The following UQCRC2 variants were observed in gnomAD, a reference collection of about 807,000 sequenced individuals.
UQCRC2 encodes cytochrome b-c1 complex subunit 2, mitochondrial.
In UQCRC2, 49 loss-of-function variants were observed where a neutral mutation model predicts 55.6. That is an observed-to-expected ratio of 0.88 (90% CI 0.70 to 1.12). The LOEUF (loss-of-function observed/expected upper bound fraction) is 1.12, where lower values mean the gene tolerates loss of function less well. UQCRC2 is among the 50% of genes most tolerant of loss of function. UQCRC2 has a pLI of 0.00. For missense variants in UQCRC2, 506 were observed against 547.8 expected (o/e 0.92, Z 0.76); for synonymous variants, 193 against 192.0 (o/e 1.01, Z -0.04).
At chr16:21,955,474 A>C (rs904617955) in intron 1 of UQCRC2, among the ~76,000 whole-genome samples, 5 of 152,202 alleles carry the variant, frequency 3.3e-5, no homozygotes, top group Admixed American at 2.6e-4. Flanking sequence ...ACCAAATTTT[A>C]TTCACTCATC....
At chr16:21,956,178 A>C (rs562005287) in intron 1 of UQCRC2, among the ~76,000 whole-genome samples, 1 of 152,188 alleles carries the variant, frequency 6.6e-6, no homozygotes, top group African/African-American at 2.4e-5. Context: ...AACCATTTCA[A>C]TTGGAAATTA....
Position 21,983,586 on chromosome 16 carries a change from T to C in UQCRC2, c.*415T>C. On this transcript the variant is annotated 3_prime_UTR_variant, in exon 14 of 14. Transcript: ENST00000268379. ...ATTTTGGGTGTCAACAGCTAAATGG[T>C]CTGGTTTTTACCCCTGTTTTGCCTT... The C allele has an allele frequency of 4.6e-6, 1 of 219,606 alleles. No individual in the cohort carries two copies. Among genetic ancestry groups the C allele is most frequent in the South Asian group, 1.8e-4 (1 of 5,436 alleles). 13.6% of individuals were successfully genotyped at this position (219,606 alleles called of 1,614,324 possible).
rs185049840 is a variant in UQCRC2, at chr16:21,960,079, C to A, written c.332+1480C>A. On this transcript the variant is annotated intron_variant, in intron 4 of 13. Transcript: ENST00000268379. Reference sequence around the variant, plus strand: ...AGTCACCAGCTGCATTAGTCCCCAACAAGAGTCAGCTTGTCGTTTGAAGCT... The same window carrying A: ...AGTCACCAGCTGCATTAGTCCCCAAAAAGAGTCAGCTTGTCGTTTGAAGCT... Among the ~76,000 whole-genome samples, 150 of 152,306 alleles carry A rather than the reference C, an allele frequency of 9.8e-4. 1 individual carries two copies. Among genetic ancestry groups the A allele is most frequent in the Non-Finnish European group, 1.6e-3 (111 of 68,018 alleles).
chr16:21,955,542 G>T (rs953705550), intron 1 of UQCRC2, among the ~76,000 whole-genome samples: 4 of 152,176 alleles, frequency 2.6e-5, no homozygotes, highest in African/African-American at 9.7e-5. Context: ...GTATGGCATT[G>T]TATAACATTT....
chr16:21,953,551 G>C, intron 1 of UQCRC2, 95 bp downstream of exon 1: 4 of 1,490,006 alleles, frequency 2.7e-6, no homozygotes, highest in Admixed American at 2.2e-5. Flanking sequence ...TCTGGGCCTT[G>C]GGATTCGGTC....
At chr16:21,953,797 G>GC (rs1019583096) in intron 1 of UQCRC2, among the ~76,000 whole-genome samples, 2 of 152,162 alleles carry the variant, frequency 1.3e-5, no homozygotes, top group Non-Finnish European at 2.9e-5. Flanking sequence ...GGCGCACTTA[G>GC]CCCCCCACCT....
chr16:21,971,881 C>G, intron 9 of UQCRC2, 42 bp from the exon 10 acceptor site: 1 of 1,608,960 alleles, frequency 6.2e-7, no homozygotes, highest in Middle Eastern at 1.9e-4. Context: ...CAATGGTGAA[C>G]AAGCCATTTT....
At chr16:21,958,450 G>A (rs1898128389) in intron 3 of UQCRC2, 85 bp from the exon 4 acceptor site, 2 of 1,190,040 alleles carry the variant, frequency 1.7e-6, no homozygotes, top group Non-Finnish European at 2.5e-6. Flanking sequence ...TTTTAAATCT[G>A]CTCACAACAG....
At chr16:21,957,191 T>A (rs1250828066) in intron 1 of UQCRC2, 44 bp from the exon 2 acceptor site, 2 of 1,594,118 alleles carry the variant, frequency 1.3e-6, no homozygotes, top group African/African-American at 2.7e-5. Context: ...TATAAAGCAC[T>A]GTTCTTGTGA....
chr16:21,977,854 C>T, intron 12 of UQCRC2, among the ~76,000 whole-genome samples: 1 of 152,118 alleles, frequency 6.6e-6, no homozygotes, highest in Non-Finnish European at 1.5e-5. Context: ...TTATGCTGAG[C>T]ACACTACAAA....
At chr16:21,966,730 TGA>T (rs1411553621) in intron 7 of UQCRC2, among the ~76,000 whole-genome samples, 2 of 152,230 alleles carry the variant, frequency 1.3e-5, no homozygotes, top group African/African-American at 4.8e-5. Context: ...TGGACTCTAA[TGA>T]GTTTTGAAAT....
intron 1 of UQCRC2, among the ~76,000 whole-genome samples, chr16:21,953,817 C>A (rs999875004): frequency 6.6e-6 from 1 of 152,172 alleles, no homozygotes; most frequent in African/African-American, 2.4e-5. Flanking sequence ...TTCACTTTAT[C>A]CGCTGCAGCC....
intron 9 of UQCRC2, 65 bp from the exon 10 acceptor site, chr16:21,971,858 T>C: frequency 6.2e-7 from 1 of 1,601,716 alleles, no homozygotes; most frequent in South Asian, 1.1e-5. Flanking sequence ...TAGGAAATAC[T>C]GGAGAATGAA....
chr16:21,964,739 C>T (rs1013498495), intron 6 of UQCRC2, among the ~76,000 whole-genome samples: 6 of 152,246 alleles, frequency 3.9e-5, no homozygotes, highest in Non-Finnish European at 8.8e-5. Flanking sequence ...ACACTGCCGA[C>T]ATTGCACCCA....
At chr16:21,975,473 A>G (rs1389842485) in intron 11 of UQCRC2, among the ~76,000 whole-genome samples, 5 of 152,304 alleles carry the variant, frequency 3.3e-5, no homozygotes, top group African/African-American at 1.2e-4. Context: ...AATTTAGGTG[A>G]TCAGAGGGAA....
chr16:21,962,708 A>G (rs1329992455), intron 5 of UQCRC2, 53 bp from the exon 6 acceptor site: 27 of 1,611,954 alleles, frequency 1.7e-5, no homozygotes, highest in Non-Finnish European at 2.3e-5. Flanking sequence ...TAGAATCTCA[A>G]ATGTTGGCTT....
Position 21,980,610 on chromosome 16 carries a change from C to A in UQCRC2, c.1188C>A (p.Val396=), listed in dbSNP as rs778896440. ...CTTCTGAGTGTTTCCTGGAAGAAGT[C>A]GGGTCCCAGGCTCTAGTTGCTGGTT... ...VESSECFLEE[V]GSQALVAGSY... Residue 396 remains valine (V), a synonymous_variant, in exon 13 of 14, where the codon GTC becomes GTA. Coordinates refer to ENST00000268379, the MANE Select transcript of UQCRC2 (RefSeq NM_003366.4). 2.5e-6 allele frequency: 4 copies of A among 1,614,014 alleles called. No individual in the cohort carries two copies. Among genetic ancestry groups the A allele is most frequent in the Middle Eastern group, 1.6e-4 (1 of 6,078 alleles).
At chr16:21,963,111 C>G (rs1898244240) in intron 6 of UQCRC2, 2 of 368,770 alleles carry the variant, frequency 5.4e-6, no homozygotes, top group African/African-American at 2.1e-5. Context: ...GCCTCAGCCT[C>G]CTGAGCAGCT....
intron 7 of UQCRC2, among the ~76,000 whole-genome samples, chr16:21,967,218 G>C (rs528085669): frequency 1.3e-5 from 2 of 152,202 alleles, no homozygotes; most frequent in East Asian, 3.9e-4. Context: ...GACTTTCCAA[G>C]GTTACTCCAT....
Sources: allele counts gnomAD v4.1 joint callset (sites outside exome capture counted in the v4.1 genomes callset), GRCh38; gene constraint gnomAD v4.1.1; transcripts MANE v1.5; gene names NCBI Gene and HGNC (gene_info 2026-07-23, HGNC 2026-07-21).